RNF217: variants seen among roughly 807,000 people sequenced by gnomAD.
RNF217 encodes the protein E3 ubiquitin-protein ligase RNF217.
In RNF217, 31 loss-of-function variants were observed where a neutral mutation model predicts 57.8. The ratio of observed to expected loss-of-function variants is 0.54; its 90% CI spans 0.40 to 0.72. The LOEUF (loss-of-function observed/expected upper bound fraction) is 0.72. Ranked by LOEUF, RNF217 falls within the 30% of genes least tolerant of loss-of-function variation. The probability of loss-of-function intolerance (pLI) is 0.00; values close to 1 mark genes in which losing one functional copy is unlikely to be tolerated. For missense variants in RNF217, 696 were observed against 708.3 expected (o/e 0.98, Z 0.20); for synonymous variants, 313 against 294.0 (o/e 1.06, Z -0.66).
intron 1 of RNF217, among the ~76,000 whole-genome samples, chr6:125,022,458 C>A (rs1785881106): frequency 1.3e-5 from 2 of 152,196 alleles, no homozygotes; most frequent in South Asian, 4.1e-4. Context: ...GATGAGCAGG[C>A]TGACAGGGCC....
chr6:125,064,817 TA>T (rs1172222931), intron 3 of RNF217, among the ~76,000 whole-genome samples: 1 of 152,098 alleles, frequency 6.6e-6, no homozygotes, highest in African/African-American at 2.4e-5. Context: ...TACACATACA[TA>T]TTTATGTGTG....
intron 5 of RNF217, chr6:125,082,333 G>A (rs1421890539): frequency 1.1e-5 from 11 of 1,045,798 alleles, no homozygotes; most frequent in Non-Finnish European, 1.2e-5. Context: ...TGTCAACTTG[G>A]GTTTAGCAAG....
At chr6:125,070,414 C>T (rs1248956885) in intron 3 of RNF217, among the ~76,000 whole-genome samples, 1 of 152,186 alleles carries the variant, frequency 6.6e-6, no homozygotes, top group Admixed American at 6.5e-5. Context: ...ACTTTTAGTT[C>T]TTCAAGGAAT....
chr6:124,962,519 A>C lies in RNF217; in HGVS notation c.-26A>C. On this transcript the variant is annotated 5_prime_UTR_variant, in exon 1 of 6. Coordinates refer to ENST00000521654, the MANE Select transcript of RNF217 (RefSeq NM_001286398.3). The surrounding 1 kb of genome is among the most constrained non-coding windows in gnomAD (Gnocchi z 4.6). ...TGGGGGTCCCGGCGGCTGGATGGGC[A>C]GCGGCGGCGCGGGCCGCGGGCGGCG... is the stretch of plus-strand genomic sequence containing the variant. 1.8e-6 allele frequency: 2 copies of C among 1,124,834 alleles called. No homozygotes were observed. Among genetic ancestry groups the C allele is most frequent in the Non-Finnish European group, 2.2e-6 (2 of 911,950 alleles). The allele number at this position is 1,124,834 out of a possible 1,614,324, so 69.7% of individuals were successfully genotyped here. A position where few individuals can be genotyped will look rare whatever the true frequency, so the allele number is the denominator to read the frequency against.
intron 1 of RNF217, chr6:125,006,222 G>A (rs951765040): frequency 5.9e-5 from 9 of 152,150 alleles, no homozygotes; most frequent in African/African-American, 2.2e-4. Context: ...TGCAATAAAT[G>A]AAGAAAAATA....
chr6:125,071,433 A>G (rs1304284261), intron 3 of RNF217, among the ~76,000 whole-genome samples: 1 of 151,434 alleles, frequency 6.6e-6, no homozygotes, highest in Admixed American at 6.6e-5. Flanking sequence ...ATGTCTACAA[A>G]TTGCCCATTT....
chr6:124,995,517 G>T (rs1173063502), intron 1 of RNF217, among the ~76,000 whole-genome samples: 1 of 152,138 alleles, frequency 6.6e-6, no homozygotes, highest in East Asian at 1.9e-4. Flanking sequence ...TTTATTCAAA[G>T]TTAACATTTT....
Position 125,076,903 on chromosome 6 carries a change from T to C in RNF217, c.1483+45T>C, listed in dbSNP as rs1788397142. The C allele has an allele frequency of 3.9e-6, 6 of 1,519,858 alleles. No individual in the cohort carries two copies. The African/African-American group carries it at 4.1e-5, about 10-fold the overall frequency. 94.1% of individuals were successfully genotyped at this position (1,519,858 alleles called of 1,614,324 possible). ...ATGGGTGTCTTCCCTGGGAATTAAG[T>C]AGTGAAAATAGAACTTGGAAATGTG... On this transcript the variant is annotated intron_variant, in intron 4 of 5. Transcript: ENST00000521654.
intron 1 of RNF217, among the ~76,000 whole-genome samples, chr6:125,012,916 T>C (rs959836207): frequency 6.6e-6 from 1 of 152,162 alleles, no homozygotes; most frequent in Non-Finnish European, 1.5e-5. Context: ...TTTCAGAACT[T>C]CTAGTAAAAT....
At chr6:124,972,006 T>C (rs1562446552) in intron 1 of RNF217, among the ~76,000 whole-genome samples, 1 of 152,184 alleles carries the variant, frequency 6.6e-6, no homozygotes, top group Non-Finnish European at 1.5e-5. Flanking sequence ...TCAAGTGTCA[T>C]ATAGCCATCT....
At chr6:124,986,495 G>A (rs1365774735) in intron 1 of RNF217, among the ~76,000 whole-genome samples, 1 of 152,156 alleles carries the variant, frequency 6.6e-6, no homozygotes, top group Non-Finnish European at 1.5e-5. Context: ...TTGCTTTAAT[G>A]TATTTTGATT....
At chr6:125,049,702 A>G (rs1466369726) in intron 2 of RNF217, among the ~76,000 whole-genome samples, 2 of 151,912 alleles carry the variant, frequency 1.3e-5, no homozygotes, top group African/African-American at 2.4e-5. Flanking sequence ...TATGATTGTT[A>G]TTATTATTAG....
intron 1 of RNF217, among the ~76,000 whole-genome samples, chr6:125,021,918 G>A (rs1047722585): frequency 1.3e-5 from 2 of 152,004 alleles, no homozygotes; most frequent in Non-Finnish European, 2.9e-5. Flanking sequence ...GTCTCACTCT[G>A]TCACCCAGGC....
Position 125,002,599 on chromosome 6 carries a change from C to T in RNF217, c.882+39173C>T, listed in dbSNP as rs118003895. Among the ~76,000 whole-genome samples the T allele has an allele frequency of 1.1e-3, 173 of 152,216 alleles. No homozygotes were observed. The East Asian group carries it at 0.031, about 27-fold the overall frequency. On this transcript the variant is annotated intron_variant, in intron 1 of 5. Coordinates refer to ENST00000521654, the MANE Select transcript of RNF217 (RefSeq NM_001286398.3). ...TTATTATCTACGACCACAGCCACCC[C>T]GTTTTCCTCTTCTTGCTTTTAATTG...
At position 125,081,483 on chromosome 6, in the gene RNF217, C is replaced by T. The variant is rs1327646316; in HGVS notation, c.1531C>T (p.Leu511=). 26 of 1,611,362 alleles carry T rather than the reference C, an allele frequency of 1.6e-5. No homozygotes were observed. Among genetic ancestry groups the T allele is most frequent in the Non-Finnish European group, 2.2e-5 (26 of 1,178,362 alleles). Residue 511 remains leucine (L), a synonymous_variant, in exon 5 of 6, where the codon CTA becomes TTA. Transcript: ENST00000521654. The part of the protein sequence containing the change: ...APLIMVLGLA[L]GAIAVVIGLF... ...TCTAATTATGGTTTTGGGATTGGCACTAGGGGCCATAGCGGTTGTAATCGG... is the reference window on the plus strand; with the variant it reads ...TCTAATTATGGTTTTGGGATTGGCATTAGGGGCCATAGCGGTTGTAATCGG...
At chr6:124,979,872 C>T (rs1255251370) in intron 1 of RNF217, among the ~76,000 whole-genome samples, 1 of 152,156 alleles carries the variant, frequency 6.6e-6, no homozygotes, top group Non-Finnish European at 1.5e-5. Context: ...TCAGAGGTGA[C>T]AGTGGTTTGC....
At chr6:125,061,628 C>A (rs991214696) in intron 3 of RNF217, among the ~76,000 whole-genome samples, 2 of 149,492 alleles carry the variant, frequency 1.3e-5, no homozygotes, top group Non-Finnish European at 3.0e-5. Flanking sequence ...GGTAGGTTTT[C>A]GTTTTTTTTT....
intron 1 of RNF217, among the ~76,000 whole-genome samples, chr6:125,042,563 C>T (rs1786924255): frequency 6.6e-6 from 1 of 151,908 alleles, no homozygotes; most frequent in African/African-American, 2.4e-5. Flanking sequence ...AGTATGAAAG[C>T]AAGAGGAAGT....
chr6:125,037,789 TTC>T (rs1562480462), intron 1 of RNF217, among the ~76,000 whole-genome samples: 1 of 152,168 alleles, frequency 6.6e-6, no homozygotes, highest in African/African-American at 2.4e-5. Flanking sequence ...CAATATTCTC[TTC>T]TCTCTGCCAT....
Sources: gnomAD v4.1 joint callset for allele counts (sites outside exome capture counted in the v4.1 genomes callset) on GRCh38, gnomAD v4.1.1 for gene constraint, Gnocchi (gnomAD v3.1) non-coding constraint, MANE v1.5 for transcripts, NCBI Gene and HGNC (gene_info 2026-07-23, HGNC 2026-07-21) for gene names.